Variants in DGKB observed in about 807,000 individuals in gnomAD.
DGKB encodes the protein diacylglycerol kinase beta.
In DGKB, 67 loss-of-function variants were observed where a neutral mutation model predicts 114.3. The ratio of observed to expected loss-of-function variants is 0.59; its 90% CI spans 0.48 to 0.72. The LOEUF (loss-of-function observed/expected upper bound fraction) is 0.72. Among genes scored for constraint, DGKB ranks in the 30% least tolerant of loss-of-function variants. The probability of loss-of-function intolerance (pLI) is 0.00; values close to 1 mark genes in which losing one functional copy is unlikely to be tolerated. For missense variants in DGKB, 907 were observed against 975.2 expected, an observed-to-expected ratio of 0.93 and a Z score of 0.93; for synonymous variants, 398 against 323.1, an observed-to-expected ratio of 1.23 and a Z score of -2.49.
chr7:14,208,104 T>A (rs2128299322), intron 23 of DGKB, among the ~76,000 whole-genome samples: 1 of 152,150 alleles, frequency 6.6e-6, no homozygotes, highest in African/African-American at 2.4e-5. Flanking sequence ...TGTGTGACTT[T>A]GAAAAAAGTA....
At chr7:14,567,297 T>TTA (rs1797619963) in intron 20 of DGKB, among the ~76,000 whole-genome samples, 1 of 39,530 alleles carries the variant, frequency 2.5e-5, no homozygotes, top group Non-Finnish European at 4.2e-5. Context: ...TATAATATAT[T>TTA]TATATATTAT....
intron 1 of DGKB, among the ~76,000 whole-genome samples, chr7:14,930,523 T>C (rs926092126): frequency 6.6e-6 from 1 of 152,220 alleles, no homozygotes; most frequent in Admixed American, 6.5e-5. Context: ...GTCATTATTA[T>C]ATAAAAGTGC....
intron 22 of DGKB, among the ~76,000 whole-genome samples, chr7:14,339,461 G>A (rs1811252073): frequency 6.6e-6 from 1 of 151,844 alleles, no homozygotes. Context: ...AGGTTAATCA[G>A]CCCAATTTTT....
Position 14,147,461 on chromosome 7 carries a change from T to C in DGKB, c.*1670A>G, listed in dbSNP as rs1047350782. ...ATTGCTTGAGAGCAGCTATTTGATA[T>C]AACAGCATTCAGTTGAGTTTTCAAA... On this transcript the variant is annotated 3_prime_UTR_variant, in exon 26 of 26. Coordinates refer to ENST00000402815, the MANE Select transcript of DGKB (RefSeq NM_001350709.2). 4.6e-5 allele frequency: 7 copies of C among 152,180 alleles called. No individual in the cohort carries two copies. The highest frequency in any genetic ancestry group is 9.6e-5 in the African/African-American group (4 of 41,470). The allele number at this position is 152,180 out of a possible 1,614,324, so 9.4% of individuals were successfully genotyped here.
At chr7:14,284,887 G>T (rs62443701) in intron 23 of DGKB, among the ~76,000 whole-genome samples, 47 of 148,210 alleles carry the variant, frequency 3.2e-4, no homozygotes, top group Non-Finnish European at 5.8e-4. Context: ...GGGAGGGATA[G>T]CATTGGGAGA....
At chr7:14,286,998 C>G (rs1562843599) in intron 23 of DGKB, among the ~76,000 whole-genome samples, 1 of 151,948 alleles carries the variant, frequency 6.6e-6, no homozygotes, top group Non-Finnish European at 1.5e-5. Context: ...ACTTTTACAA[C>G]AAAACGTGTT....
chr7:14,814,973 C>T (rs1282498894), intron 2 of DGKB, among the ~76,000 whole-genome samples: 1 of 152,148 alleles, frequency 6.6e-6, no homozygotes, highest in African/African-American at 2.4e-5. Context: ...GTTTCTCTAA[C>T]CTCCATATTT....
intron 3 of DGKB, among the ~76,000 whole-genome samples, chr7:14,755,551 C>A (rs936783287): frequency 1.3e-5 from 2 of 152,086 alleles, no homozygotes; most frequent in Admixed American, 1.3e-4. Flanking sequence ...TCAGTGCAAA[C>A]AACTTTGGGG....
intron 6 of DGKB, among the ~76,000 whole-genome samples, chr7:14,713,754 T>C (rs1199410129): frequency 1.3e-5 from 2 of 151,958 alleles, no homozygotes; most frequent in Non-Finnish European, 2.9e-5. Context: ...ACTTTTAACA[T>C]GTAGCTTACT....
chr7:14,152,928 CT>C (rs1782442234), intron 25 of DGKB, among the ~76,000 whole-genome samples: 1 of 152,082 alleles, frequency 6.6e-6, no homozygotes, highest in African/African-American at 2.4e-5. Flanking sequence ...CAGGTGCCCC[CT>C]ATTTCATCCA....
chr7:14,838,952 T>A (rs1562677749), intron 2 of DGKB, among the ~76,000 whole-genome samples: 1 of 152,174 alleles, frequency 6.6e-6, no homozygotes, highest in Non-Finnish European at 1.5e-5. Context: ...TCATTTCCTT[T>A]GTCATTTACC....
chr7:14,481,941 C>T (rs10237359), intron 20 of DGKB, among the ~76,000 whole-genome samples: 69,732 of 151,702 alleles, frequency 0.46, 16,777 homozygotes, highest in East Asian at 0.86. Flanking sequence ...GTCAAAGGTA[C>T]ACAATAACAA....
chr7:14,472,573 A>T (rs1040267836), intron 21 of DGKB, among the ~76,000 whole-genome samples: 7 of 152,194 alleles, frequency 4.6e-5, no homozygotes, highest in African/African-American at 1.7e-4. Flanking sequence ...AAAGATACCC[A>T]AAAATGTGAG....
At chr7:14,289,161 A>T (rs948725527) in intron 23 of DGKB, among the ~76,000 whole-genome samples, 3 of 152,142 alleles carry the variant, frequency 2.0e-5, no homozygotes, top group African/African-American at 4.8e-5. Flanking sequence ...TATTAAACTC[A>T]ATATTTAGTG....
intron 4 of DGKB, among the ~76,000 whole-genome samples, chr7:14,743,836 T>C (rs1190071928): frequency 6.6e-6 from 1 of 152,180 alleles, no homozygotes; most frequent in African/African-American, 2.4e-5. Context: ...AATTGTCTTC[T>C]TTTGATCCCC....
intron 21 of DGKB, among the ~76,000 whole-genome samples, chr7:14,446,106 C>G (rs1334805409): frequency 1.3e-5 from 2 of 152,106 alleles, no homozygotes; most frequent in Admixed American, 1.3e-4. Flanking sequence ...TTCTTGCAAT[C>G]TCTTGTTTAG....
chr7:14,251,919 T>G (rs187797988), intron 23 of DGKB, among the ~76,000 whole-genome samples: 124 of 152,326 alleles, frequency 8.1e-4, no homozygotes, highest in African/African-American at 2.9e-3. Context: ...CTCTTGTCAC[T>G]TTCACAATTA....
intron 2 of DGKB, among the ~76,000 whole-genome samples, chr7:14,794,500 C>A (rs1450331663): frequency 2.0e-5 from 3 of 152,072 alleles, no homozygotes; most frequent in African/African-American, 7.2e-5. Context: ...TGTTGCTGAT[C>A]AAGTGGTAAA....
intron 21 of DGKB, among the ~76,000 whole-genome samples, chr7:14,451,262 T>C (rs188203966): frequency 6.6e-6 from 1 of 152,146 alleles, no homozygotes; most frequent in East Asian, 1.9e-4. Flanking sequence ...ACAATATGGG[T>C]AGGACTCATC....
Sources: allele counts gnomAD v4.1 joint callset (sites outside exome capture counted in the v4.1 genomes callset), GRCh38; gene constraint gnomAD v4.1.1; transcripts MANE v1.5; gene names NCBI Gene and HGNC (gene_info 2026-07-23, HGNC 2026-07-21).